Variants in TENM2 observed in about 807,000 individuals in gnomAD.
TENM2 encodes the protein teneurin transmembrane protein 2, also known as teneurin-2.
In TENM2, 52 loss-of-function variants were observed where a neutral mutation model predicts 245.2. The ratio of observed to expected loss-of-function variants is 0.21; its 90% CI spans 0.17 to 0.27. The LOEUF is 0.27. Among genes scored for constraint, TENM2 ranks in the 10% least tolerant of loss-of-function variants. TENM2 has a pLI of 1.00. For synonymous variants in TENM2, 1,363 were observed against 1,438.9 expected (o/e 0.95, Z 1.19); for missense variants, 3,046 against 3,666.8 (o/e 0.83, Z 4.37).
At chr5:167,452,350 C>T (rs931488215) in intron 2 of TENM2, among the ~76,000 whole-genome samples, 6 of 152,084 alleles carry the variant, frequency 3.9e-5, no homozygotes, top group South Asian at 2.1e-4. Context: ...GTGCATTATA[C>T]GCAAGTCAGG....
chr5:168,042,811 T>A (rs919318735), intron 5 of TENM2, among the ~76,000 whole-genome samples: 37 of 152,106 alleles, frequency 2.4e-4, no homozygotes, highest in African/African-American at 8.7e-4. Context: ...GCCAAGAAAG[T>A]TTTCTCCAAT....
In TENM2 at chr5:167,305,800, T is replaced by C. The variant is rs538004510; in HGVS notation, c.226+20737T>C. 2.0e-5 allele frequency among the ~76,000 whole-genome samples: 3 copies of C among 152,334 alleles called. No individual in the cohort carries two copies. The East Asian group carries it at 5.8e-4, about 29-fold the overall frequency. On this transcript the variant is annotated intron_variant, in intron 1 of 28. Transcript: ENST00000518659. ...TTAATGATAACAATAATGCCCTGCA[T>C]TGAGTACGTCATTGGGTGCCAGGGA...
intron 2 of TENM2, among the ~76,000 whole-genome samples, chr5:167,646,200 CATATATATAT>C (rs61476810): frequency 4.1e-4 from 26 of 63,426 alleles, no homozygotes; most frequent in African/African-American, 1.0e-3. Context: ...ATGTTGTTTT[CATATATATAT>C]ATATATATAT....
At chr5:167,036,214 A>G in the TENM2 span, among the ~76,000 whole-genome samples, 2 of 152,334 alleles carry the variant, frequency 1.3e-5, no homozygotes, top group East Asian at 3.9e-4. Flanking sequence ...TTCTAGGCCA[A>G]GAGAAAAGCA....
intron 2 of TENM2, among the ~76,000 whole-genome samples, chr5:167,874,314 C>T (rs1327757255): frequency 1.3e-5 from 2 of 152,052 alleles, no homozygotes; most frequent in African/African-American, 4.8e-5. Context: ...CAATGTCTAG[C>T]GAAGTGCAGA....
At chr5:167,664,271 G>A (rs1481485694) in intron 2 of TENM2, among the ~76,000 whole-genome samples, 3 of 152,272 alleles carry the variant, frequency 2.0e-5, no homozygotes, top group East Asian at 1.9e-4. Context: ...ATAGGCCTGC[G>A]ATTATGTATT....
the TENM2 span, among the ~76,000 whole-genome samples, chr5:167,057,984 C>T: frequency 6.6e-6 from 1 of 152,028 alleles, no homozygotes; most frequent in African/African-American, 2.4e-5. Flanking sequence ...ATTTCCTTAC[C>T]CCAACACTGG....
intron 3 of TENM2, among the ~76,000 whole-genome samples, chr5:167,931,563 A>AC (rs1160574492): frequency 6.6e-6 from 1 of 151,882 alleles, no homozygotes; most frequent in East Asian, 1.9e-4. Context: ...AAAAAAAAAA[A>AC]AAAAAAAACA....
At chr5:167,030,890 A>G in the TENM2 span, among the ~76,000 whole-genome samples, 1 of 152,108 alleles carries the variant, frequency 6.6e-6, no homozygotes, top group Non-Finnish European at 1.5e-5. Context: ...CATTGGGCTG[A>G]TGGTGGGTAT....
At chr5:167,771,113 A>G (rs1763374815) in intron 2 of TENM2, among the ~76,000 whole-genome samples, 1 of 152,152 alleles carries the variant, frequency 6.6e-6, no homozygotes, top group Non-Finnish European at 1.5e-5. Flanking sequence ...TCACTACATT[A>G]TAAGGCTACT....
At chr5:167,598,488 C>G (rs113021936) in intron 2 of TENM2, among the ~76,000 whole-genome samples, 15 of 152,322 alleles carry the variant, frequency 9.8e-5, no homozygotes, top group African/African-American at 2.9e-4. Context: ...AAAGAATAAT[C>G]TTTCTACATT....
At chr5:167,150,125 C>G in the TENM2 span, among the ~76,000 whole-genome samples, 17 of 152,142 alleles carry the variant, frequency 1.1e-4, no homozygotes, top group Admixed American at 1.1e-3. Context: ...TAAAAAGTTA[C>G]TGTGGGCCTG....
At chr5:167,115,140 G>T in the TENM2 span, among the ~76,000 whole-genome samples, 1 of 152,158 alleles carries the variant, frequency 6.6e-6, no homozygotes, top group Non-Finnish European at 1.5e-5. Flanking sequence ...GTGTGTAGGT[G>T]ACCAAAGTTG....
At chr5:168,058,208 A>T (rs1218422950) in intron 6 of TENM2, among the ~76,000 whole-genome samples, 1 of 152,170 alleles carries the variant, frequency 6.6e-6, no homozygotes, top group Non-Finnish European at 1.5e-5. Flanking sequence ...TTCAAAGTAA[A>T]TCTTTGTTAA....
At chr5:168,009,168 G>A (rs944939892) in intron 5 of TENM2, among the ~76,000 whole-genome samples, 2 of 152,154 alleles carry the variant, frequency 1.3e-5, no homozygotes, top group African/African-American at 2.4e-5. Flanking sequence ...ACCACCCTCC[G>A]GGACTTGAAG....
chr5:168,083,838 C>T (rs1403071586), intron 7 of TENM2, among the ~76,000 whole-genome samples: 1 of 152,044 alleles, frequency 6.6e-6, no homozygotes, highest in African/African-American at 2.4e-5. Flanking sequence ...CAAATGACCC[C>T]ATCTCTCAGG....
the TENM2 span, among the ~76,000 whole-genome samples, chr5:167,268,927 TAGAC>T: frequency 0.019 from 2,528 of 134,472 alleles, 39 homozygotes; most frequent in South Asian, 0.028. Context: ...GATAGATAGA[TAGAC>T]AGACATTTTT....
chr5:167,656,870 T>C lies in TENM2; in HGVS notation c.503-219116T>C, dbSNP rs550470244. On this transcript the variant is annotated intron_variant, in intron 2 of 28. Coordinates refer to ENST00000518659, the Ensembl canonical transcript of TENM2. Reference sequence around the variant, plus strand: ...TTATACATATTTATAGGGTACATAGTGATATTTTGACACATGTAATGTATA... The same window carrying C: ...TTATACATATTTATAGGGTACATAGCGATATTTTGACACATGTAATGTATA... Among the ~76,000 whole-genome samples the C allele has an allele frequency of 9.9e-4, 151 of 152,064 alleles. 2 individuals are homozygous for C. Among genetic ancestry groups the C allele is most frequent in the Admixed American group, 2.6e-3 (40 of 15,276 alleles).
chr5:167,231,607 TCA>T, the TENM2 span, among the ~76,000 whole-genome samples: 14 of 152,196 alleles, frequency 9.2e-5, no homozygotes, highest in Non-Finnish European at 1.8e-4. Context: ...TTAAAATTAT[TCA>T]GTTTTAGGTA....
Sources: allele counts gnomAD v4.1 joint callset (sites outside exome capture counted in the v4.1 genomes callset), GRCh38; gene constraint gnomAD v4.1.1; transcripts MANE v1.5; gene names NCBI Gene and HGNC (gene_info 2026-07-23, HGNC 2026-07-21).